Variants in MDGA2 observed in about 807,000 individuals in gnomAD.
The protein encoded by MDGA2 is MAM domain-containing glycosylphosphatidylinositol anchor protein 2.
MDGA2 carries 40 observed loss-of-function variants against 117.8 expected under a neutral mutation model. The observed-to-expected ratio is 0.34, with a 90% CI of 0.26 to 0.44. MDGA2 has a LOEUF of 0.44. MDGA2 is among the 20% of genes least tolerant of loss of function. The pLI is 1.00. For synonymous variants in MDGA2, 452 were observed against 439.0 expected, an observed-to-expected ratio of 1.03 and a Z score of -0.37; for missense variants, 1,123 against 1,250.6, an observed-to-expected ratio of 0.90 and a Z score of 1.54.
chr14:47,245,708 A>G lies in MDGA2; in HGVS notation c.421-27513T>C, dbSNP rs189103350. 2.5e-3 allele frequency among the ~76,000 whole-genome samples: 378 copies of G among 152,024 alleles called. 3 individuals are homozygous for G. Among genetic ancestry groups the G allele is most frequent in the African/African-American group, 8.5e-3 (352 of 41,546 alleles). ...TGGTAGTATTTTTTGTAAACATACAAGATTTTAAATTTATTCTTATTTCTA... is the reference window on the plus strand; with the variant it reads ...TGGTAGTATTTTTTGTAAACATACAGGATTTTAAATTTATTCTTATTTCTA... On this transcript the variant is annotated intron_variant, in intron 2 of 16. Transcript: ENST00000399232.
rs200907121 is a variant in MDGA2 at position 46,957,484 on chromosome 14, T to C, written c.1979A>G (p.Gln660Arg). ...KLLRTGQFDS[Q>R]EYTEYAVKSL... ...CTTCACAGCGTACTCTGTGTATTCC[T>C]GAGAGTCAAATTGACCCGTCCGTAA... The change falls in exon 9 of 17, where the codon CAG (glutamine) becomes CGG (arginine). Residue 660 changes from glutamine (Q) to arginine (R), a missense_variant. Physicochemically the swap from Gln to Arg is conservative, Grantham distance 43. This residue lies in a region of MDGA2 where 890 missense variants were observed against 1,050.3 expected (regional missense o/e 0.85). Coordinates refer to ENST00000399232, the MANE Select transcript of MDGA2 (RefSeq NM_001113498.3). 860 of 1,614,174 alleles carry C rather than the reference T, an allele frequency of 5.3e-4. 8 individuals carry two copies. The Middle Eastern group carries it at 0.016, about 30-fold the overall frequency.
chr14:46,933,203 C>A (rs1239238491), intron 9 of MDGA2, among the ~76,000 whole-genome samples: 1 of 151,840 alleles, frequency 6.6e-6, no homozygotes. Context: ...AAGACACGTT[C>A]CAGAAAAGTT....
intron 1 of MDGA2, among the ~76,000 whole-genome samples, chr14:47,606,959 C>T (rs902947411): frequency 1.3e-5 from 2 of 152,056 alleles, no homozygotes; most frequent in African/African-American, 2.4e-5. Context: ...AGAAAACACA[C>T]GCACTGGTGT....
At chr14:47,602,230 G>A (rs7150323) in intron 1 of MDGA2, among the ~76,000 whole-genome samples, 11,305 of 152,054 alleles carry the variant, frequency 0.074, 1,392 homozygotes, top group African/African-American at 0.26. Context: ...GACAGACCCA[G>A]TCACAAAAGT....
chr14:47,128,940 C>T (rs552040257), intron 5 of MDGA2, among the ~76,000 whole-genome samples: 3 of 152,156 alleles, frequency 2.0e-5, no homozygotes, highest in East Asian at 1.9e-4. Flanking sequence ...CTGCCCACCT[C>T]GGCCTCCCAA....
chr14:47,066,163 TCTC>T (rs1169331868), intron 6 of MDGA2, among the ~76,000 whole-genome samples: 1 of 152,178 alleles, frequency 6.6e-6, no homozygotes, highest in African/African-American at 2.4e-5. Context: ...AACCTATCTT[TCTC>T]CTCAATAGGG....
intron 2 of MDGA2, among the ~76,000 whole-genome samples, chr14:47,243,009 C>A (rs969297742): frequency 4.0e-5 from 6 of 151,716 alleles, no homozygotes; most frequent in African/African-American, 7.3e-5. Context: ...GTGCACCAGT[C>A]GACACTCTGT....
At chr14:47,031,539 T>C (rs1566583219) in intron 8 of MDGA2, among the ~76,000 whole-genome samples, 2 of 152,156 alleles carry the variant, frequency 1.3e-5, no homozygotes, top group African/African-American at 4.8e-5. Flanking sequence ...AAGAAATCTG[T>C]ATGCAGCAAA....
chr14:46,844,761 C>T (rs1406024867), intron 16 of MDGA2, among the ~76,000 whole-genome samples: 2 of 151,960 alleles, frequency 1.3e-5, no homozygotes, highest in African/African-American at 2.4e-5. Flanking sequence ...AAATATAATC[C>T]GCATAATCCC....
chr14:47,454,664 T>C (rs986957287), intron 1 of MDGA2, among the ~76,000 whole-genome samples: 21 of 152,166 alleles, frequency 1.4e-4, no homozygotes, highest in African/African-American at 5.1e-4. Context: ...AGTGGTGGTG[T>C]CTTGATAAAA....
intron 1 of MDGA2, among the ~76,000 whole-genome samples, chr14:47,426,145 G>A (rs1892684112): frequency 6.6e-6 from 1 of 151,814 alleles, no homozygotes; most frequent in Admixed American, 6.6e-5. Flanking sequence ...ATTTTGGCGG[G>A]GATACATTCT....
intron 2 of MDGA2, among the ~76,000 whole-genome samples, chr14:47,243,420 T>C (rs949638868): frequency 6.6e-6 from 1 of 151,656 alleles, no homozygotes; most frequent in Non-Finnish European, 1.5e-5. Context: ...CCTTCCACAC[T>C]GTGGAAGCTT....
At position 47,169,123 on chromosome 14, in the gene MDGA2, G is replaced by A. The variant is rs1363180159; in HGVS notation, c.596-24849C>T. On this transcript the variant is annotated intron_variant, in intron 3 of 16. Transcript: ENST00000399232. ...CAAAATTCCCCTTCCAAATGGGCAT[G>A]GTAAGGTGACAGGAAACAAAAGCCA... Among the ~76,000 whole-genome samples the A allele has an allele frequency of 7.9e-5, 12 of 151,904 alleles. 1 individual carries two copies. The highest frequency in any genetic ancestry group is 7.9e-4 in the Admixed American group (12 of 15,240).
chr14:46,991,947 T>C (rs935381409), intron 8 of MDGA2, among the ~76,000 whole-genome samples: 11 of 152,134 alleles, frequency 7.2e-5, no homozygotes, highest in Non-Finnish European at 1.0e-4. Flanking sequence ...GACTTGATTA[T>C]AGGTTAGCAT....
intron 10 of MDGA2, among the ~76,000 whole-genome samples, chr14:46,907,731 T>C (rs140283622): frequency 6.6e-6 from 1 of 152,292 alleles, no homozygotes; most frequent in East Asian, 1.9e-4. Context: ...CAATATCTTA[T>C]ACAAAAGCAA....
chr14:47,249,262 C>T (rs550054220), intron 2 of MDGA2, among the ~76,000 whole-genome samples: 3 of 152,010 alleles, frequency 2.0e-5, no homozygotes, highest in African/African-American at 7.2e-5. Flanking sequence ...CGTGATCTGC[C>T]CGCCTCAGCC....
At chr14:46,862,297 C>A (rs918029092) in intron 14 of MDGA2, among the ~76,000 whole-genome samples, 1 of 151,612 alleles carries the variant, frequency 6.6e-6, no homozygotes, top group African/African-American at 2.4e-5. Flanking sequence ...TTAAAGACTA[C>A]AGGCAAAAAG....
chr14:47,344,639 A>T (rs1308609029), intron 1 of MDGA2, among the ~76,000 whole-genome samples: 1 of 152,092 alleles, frequency 6.6e-6, no homozygotes, highest in African/African-American at 2.4e-5. Context: ...CCTTGGCTCC[A>T]TGAGAGAAGA....
chr14:47,070,250 T>C (rs1442664913), intron 6 of MDGA2, among the ~76,000 whole-genome samples: 4 of 152,174 alleles, frequency 2.6e-5, no homozygotes, highest in Non-Finnish European at 5.9e-5. Context: ...CATCCTTCTA[T>C]TCTGTTACAT....
Sources: gnomAD v4.1 joint callset for allele counts (sites outside exome capture counted in the v4.1 genomes callset) on GRCh38, gnomAD v4.1.1 for gene constraint, gnomAD v4.1.1 regional missense constraint, MANE v1.5 for transcripts, NCBI Gene and HGNC (gene_info 2026-07-23, HGNC 2026-07-21) for gene names.